The following ARHGEF10L variants were observed in gnomAD, a reference collection of about 807,000 sequenced individuals.
The protein encoded by ARHGEF10L is Rho guanine nucleotide exchange factor 10 like, also known as rho guanine nucleotide exchange factor 10-like protein.
In ARHGEF10L, 69 loss-of-function variants were observed where a neutral mutation model predicts 141.2. That is an observed-to-expected ratio of 0.49 (90% CI 0.40 to 0.60). The LOEUF (loss-of-function observed/expected upper bound fraction) is 0.60. ARHGEF10L is among the 20% of genes least tolerant of loss of function. ARHGEF10L has a pLI of 0.00. For synonymous variants in ARHGEF10L, 711 were observed against 718.5 expected, an observed-to-expected ratio of 0.99 and a Z score of 0.17; for missense variants, 1,482 against 1,734.3, an observed-to-expected ratio of 0.85 and a Z score of 2.58.
Position 17,656,058 on chromosome 1 carries a change from G to A in ARHGEF10L, c.2661G>A (p.Ser887=), listed in dbSNP as rs150080617. The change falls in exon 24 of 29, where the codon TCG becomes TCA. Residue 887 remains serine (S), a synonymous_variant. Coordinates refer to ENST00000361221, the MANE Select transcript of ARHGEF10L (RefSeq NM_018125.4). The surrounding 1 kb of genome is among the most constrained non-coding windows in gnomAD (Gnocchi z 4.9). ...AGAGCCCGACAGTTGCTGACCCCTC[G>A]GCCACGGTGCATCCAACCATCTGCC... ...RDESPTVADP[S]ATVHPTICLG... 55 of 1,564,642 alleles carry A rather than the reference G, an allele frequency of 3.5e-5. No individual in the cohort carries two copies. In the African/African-American group the frequency reaches 5.0e-4, roughly 14 times the overall value.
chr1:17,668,076 A>T (rs1056998067), intron 26 of ARHGEF10L, among the ~76,000 whole-genome samples: 6 of 152,250 alleles, frequency 3.9e-5, no homozygotes, highest in African/African-American at 1.4e-4. Context: ...GTGGGGAGTT[A>T]GCAGGAGGAC....
chr1:17,640,060 T>C, intron 20 of ARHGEF10L, 142 bp from the exon 21 acceptor site: 1 of 1,475,990 alleles, frequency 6.8e-7, no homozygotes, highest in Non-Finnish European at 9.0e-7. Context: ...CACTGACCTC[T>C]TTGGCCACGT....
At chr1:17,617,238 G>A (rs182259433) in intron 9 of ARHGEF10L, among the ~76,000 whole-genome samples, 1 of 152,364 alleles carries the variant, frequency 6.6e-6, no homozygotes, top group East Asian at 1.9e-4. Flanking sequence ...CCCATGGTCA[G>A]ATTTGATCAA....
intron 26 of ARHGEF10L, 108 bp from the exon 27 acceptor site, chr1:17,687,465 C>A: frequency 7.8e-7 from 1 of 1,274,616 alleles, no homozygotes. Flanking sequence ...CCCTGAGTAG[C>A]TTGAGCTTTT....
At position 17,648,585 on chromosome 1, in the gene ARHGEF10L, G is replaced by A. The variant is rs772877953; in HGVS notation, c.2304G>A (p.Pro768=). The part of the protein sequence containing the change: ...REENQPGWLC[P]DEDKKSKAPF... The stretch of plus-strand genomic sequence containing the variant: ...AGAACCAGCCAGGCTGGCTATGCCC[G>A]GATGAGGACAAGAAGAGCAAAGCCC... The change falls in exon 22 of 29, where the codon CCG becomes CCA. Residue 768 remains proline, a synonymous_variant. Coordinates refer to ENST00000361221, the MANE Select transcript of ARHGEF10L (RefSeq NM_018125.4). The A allele has an allele frequency of 3.0e-5, 49 of 1,613,652 alleles. No individual in the cohort carries two copies. The Middle Eastern group carries it at 5.2e-4, about 17-fold the overall frequency.
chr1:17,524,997 ACCCCCTTCC>A, the ARHGEF10L span, among the ~76,000 whole-genome samples: 4 of 151,794 alleles, frequency 2.6e-5, no homozygotes, highest in Admixed American at 6.6e-5. Context: ...AATGACAGAG[ACCCCCTTCC>A]CCCATCCTTC....
chr1:17,648,793 G>A, intron 22 of ARHGEF10L, 118 bp downstream of exon 22: 1 of 1,384,584 alleles, frequency 7.2e-7, no homozygotes, highest in Non-Finnish European at 9.6e-7. Context: ...TTCCAGCTGT[G>A]GCTTCTAAAT....
intron 4 of ARHGEF10L, among the ~76,000 whole-genome samples, chr1:17,592,741 T>C (rs1193340): frequency 0.96 from 146,122 of 152,180 alleles, 70,371 homozygotes; most frequent in Non-Finnish European, 1. Flanking sequence ...AGTCTGGAGT[T>C]GTTTGGAATC....
chr1:17,634,427 CTG>C, intron 16 of ARHGEF10L, 119 bp from the exon 17 acceptor site: 1 of 1,525,308 alleles, frequency 6.6e-7, no homozygotes, highest in Non-Finnish European at 9.1e-7. Context: ...CCGCAGGAGG[CTG>C]TCTCTCCTTC....
rs543057850 is a variant in ARHGEF10L, at chr1:17,546,451, C to T, written c.-44+6501C>T. ...GCATCAATTCATTTAATTTCCATGC[C>T]GATCCTGCAAGTACGTCCTATTTTC... is the stretch of plus-strand genomic sequence containing the variant. On this transcript the variant is annotated intron_variant, in intron 1 of 28. Transcript: ENST00000361221. 7.9e-4 allele frequency among the ~76,000 whole-genome samples: 120 copies of T among 152,230 alleles called. 2 individuals carry two copies. The highest frequency in any genetic ancestry group is 2.7e-3 in the African/African-American group (114 of 41,528).
intron 1 of ARHGEF10L, among the ~76,000 whole-genome samples, chr1:17,572,121 T>C (rs558835508): frequency 1.8e-3 from 274 of 152,322 alleles, no homozygotes; most frequent in African/African-American, 6.3e-3. Context: ...GATCCAGCTG[T>C]GCGCAACCAT....
chr1:17,614,601 T>G (rs1381564956), intron 8 of ARHGEF10L, among the ~76,000 whole-genome samples: 1 of 149,622 alleles, frequency 6.7e-6, no homozygotes, highest in Non-Finnish European at 1.5e-5. Context: ...TGTGACCCCC[T>G]CCTCCCACCC....
intron 9 of ARHGEF10L, among the ~76,000 whole-genome samples, chr1:17,618,004 C>T (rs1258068977): frequency 3.3e-5 from 5 of 152,172 alleles, no homozygotes; most frequent in African/African-American, 7.2e-5. Flanking sequence ...GAGCCCCACC[C>T]GTGCACTTGG....
intron 25 of ARHGEF10L, among the ~76,000 whole-genome samples, chr1:17,660,709 A>T (rs573382866): frequency 3.6e-4 from 55 of 152,324 alleles, no homozygotes; most frequent in African/African-American, 1.2e-3. Context: ...CTTTGCTGAG[A>T]CAGGGCCTTC....
rs551559853 is a variant in ARHGEF10L at position 17,664,391 on chromosome 1, CAGG to C, written c.2861-53_2861-51del. The C allele has an allele frequency of 6.5e-3, 10,291 of 1,571,782 alleles. 60 individuals carry two copies. Among genetic ancestry groups the C allele is most frequent in the Middle Eastern group, 0.037 (209 of 5,710 alleles). Reference sequence around the variant, plus strand: ...GCCCCCTGCTGCTGGCCTGCGTTCCCAGGAGACCTGCTTGCCGCTCCTGGCCCC... The same window carrying C: ...GCCCCCTGCTGCTGGCCTGCGTTCCCAGACCTGCTTGCCGCTCCTGGCCCC... On this transcript the variant is annotated intron_variant, in intron 25 of 28. Transcript: ENST00000361221.
the ARHGEF10L span, among the ~76,000 whole-genome samples, chr1:17,532,725 G>T: frequency 6.6e-6 from 1 of 151,762 alleles, no homozygotes; most frequent in African/African-American, 2.4e-5. Flanking sequence ...CTCCCGAGTA[G>T]CTGGGACTAC....
intron 4 of ARHGEF10L, among the ~76,000 whole-genome samples, chr1:17,595,264 T>C (rs528454008): frequency 2.9e-4 from 42 of 147,168 alleles, no homozygotes; most frequent in Non-Finnish European, 5.5e-4. Flanking sequence ...TTACATATCA[T>C]GAGCATTTCC....
intron 4 of ARHGEF10L, among the ~76,000 whole-genome samples, chr1:17,591,408 ATTTT>A (rs35249582): frequency 1.9e-3 from 229 of 121,178 alleles, no homozygotes; most frequent in Middle Eastern, 8.3e-3. Context: ...ATGCCTGGCT[ATTTT>A]TTTTTTTTTT....
chr1:17,604,142 G>A (rs1343769239), intron 6 of ARHGEF10L, among the ~76,000 whole-genome samples: 2 of 152,130 alleles, frequency 1.3e-5, no homozygotes, highest in Non-Finnish European at 2.9e-5. Flanking sequence ...GTTAGGCCAA[G>A]CATATTTTCA....
Sources: gnomAD v4.1 joint callset for allele counts (sites outside exome capture counted in the v4.1 genomes callset) on GRCh38, gnomAD v4.1.1 for gene constraint, Gnocchi (gnomAD v3.1) non-coding constraint, MANE v1.5 for transcripts, NCBI Gene and HGNC (gene_info 2026-07-23, HGNC 2026-07-21) for gene names.